Variants in L3MBTL1 observed in about 807,000 individuals in gnomAD.
L3MBTL1 encodes L3MBTL histone methyl-lysine binding protein 1, also known as lethal(3)malignant brain tumor-like protein 1.
Under a neutral mutation model 105.3 loss-of-function variants are expected in L3MBTL1, and 75 were observed. That is an observed-to-expected ratio of 0.71 (90% CI 0.59 to 0.86). The LOEUF (loss-of-function observed/expected upper bound fraction) is 0.86, where lower values mean the gene tolerates loss of function less well. L3MBTL1 is among the 40% of genes least tolerant of loss of function. L3MBTL1 has a pLI of 0.00. For synonymous variants in L3MBTL1, 452 were observed against 436.2 expected (o/e 1.04, Z -0.45); for missense variants, 1,069 against 1,126.4 (o/e 0.95, Z 0.73).
At chr20:43,548,346 G>A in exon 19 of L3MBTL1, 3 of 1,066,330 alleles carry the variant, frequency 2.8e-6, no homozygotes, top group Non-Finnish European at 3.7e-6. Context: ...ACGTCCCCAT[G>A]CTCCACCTAT....
At chr20:43,542,672 TCTTTCTCAGCCC>T (rs1242589365), downstream of L3MBTL1, among the ~76,000 whole-genome samples, 3 of 151,314 alleles carry the variant, frequency 2.0e-5, no homozygotes, top group African/African-American at 7.3e-5. Context: ...ACCAGAAAGT[TCTTTCTCAGCCC>T]CTTTTAGTCA....
chr20:43,514,432 C>T (rs1260538152), intron 3 of L3MBTL1: 3 of 1,475,238 alleles, frequency 2.0e-6, no homozygotes, highest in African/African-American at 2.8e-5. Context: ...CACCCTGGGA[C>T]TGGACCCCGC....
intron 16 of L3MBTL1, 116 bp from the exon 17 acceptor site, chr20:43,535,721 C>T (rs2019568663): frequency 1.5e-6 from 1 of 660,722 alleles, no homozygotes; most frequent in Non-Finnish European, 2.6e-6. Context: ...GCAGGGCCCT[C>T]ATCCTTGGGG....
intron 1 of L3MBTL1, among the ~76,000 whole-genome samples, chr20:43,511,882 C>CTTGGGG (rs1299532754): frequency 1.3e-5 from 2 of 151,318 alleles, no homozygotes; most frequent in African/African-American, 4.9e-5. Context: ...AAGCAGAGAG[C>CTTGGGG]TTGGGGAAGA....
chr20:43,547,494 C>A (rs1016577075), intron 18 of L3MBTL1, among the ~76,000 whole-genome samples: 20 of 152,120 alleles, frequency 1.3e-4, no homozygotes, highest in African/African-American at 4.8e-4. Flanking sequence ...TCCTCTATCC[C>A]CTGTATTTCC....
At chr20:43,548,119 C>A in exon 19 of L3MBTL1, 1 of 1,303,762 alleles carries the variant, frequency 7.7e-7, no homozygotes, top group Non-Finnish European at 1.0e-6. Context: ...AGATGATTGA[C>A]GGCGAGGCCT....
At position 43,534,678 on chromosome 20, in the gene L3MBTL1, G is replaced by C. The variant is rs2019514342; in HGVS notation, c.1711-150G>C. 7 of 624,400 alleles carry C rather than the reference G, an allele frequency of 1.1e-5. No homozygotes were observed. The Admixed American group carries it at 2.1e-4, about 18-fold the overall frequency. The allele number at this position is 624,400 out of a possible 1,614,324, so 38.7% of individuals were successfully genotyped here. On this transcript the variant is annotated intron_variant, in intron 15 of 21. Transcript: ENST00000418998. ...ATGAGTGATGCCCTTGGAAAATGTG[G>C]TGGCCAAGACAGATTATTGCAGGGT... is the stretch of plus-strand genomic sequence containing the variant.
intron 7 of L3MBTL1, among the ~76,000 whole-genome samples, chr20:43,525,916 C>G (rs565786101): frequency 1.3e-5 from 2 of 152,224 alleles, no homozygotes; most frequent in East Asian, 3.9e-4. Context: ...TGGTGAAGGT[C>G]AAATGAAGAG....
chr20:43,516,783 A>G (rs1263391546), intron 7 of L3MBTL1, among the ~76,000 whole-genome samples: 1 of 150,578 alleles, frequency 6.6e-6, no homozygotes, highest in African/African-American at 2.4e-5. Context: ...TTTCTTTTTT[A>G]AAATTTTTTA....
At chr20:43,516,784 A>G (rs866560093) in intron 7 of L3MBTL1, among the ~76,000 whole-genome samples, 2 of 151,962 alleles carry the variant, frequency 1.3e-5, no homozygotes, top group African/African-American at 2.4e-5. Flanking sequence ...TTCTTTTTTA[A>G]AATTTTTTAA....
At chr20:43,542,976 G>C (rs764539431), downstream of L3MBTL1, among the ~76,000 whole-genome samples, 17 of 152,032 alleles carry the variant, frequency 1.1e-4, no homozygotes, top group Non-Finnish European at 1.8e-4. Context: ...TTTTTTGTTA[G>C]CAAAACTTAA....
downstream of L3MBTL1, among the ~76,000 whole-genome samples, chr20:43,544,977 A>G (rs1978493095): frequency 6.6e-6 from 1 of 151,974 alleles, no homozygotes; most frequent in Non-Finnish European, 1.5e-5. Flanking sequence ...ACAAACAACA[A>G]CAACAAAAGA....
chr20:43,541,831 A>T lies in L3MBTL1; in HGVS notation c.*703A>T. On this transcript the variant is annotated 3_prime_UTR_variant, in exon 22 of 22. Transcript: ENST00000418998. ...TATTATGGAGGAATATGTAGATCCAATCACTTTACCTATACAAAATGACTG... is the reference window on the plus strand; with the variant it reads ...TATTATGGAGGAATATGTAGATCCATTCACTTTACCTATACAAAATGACTG... 1 of 985,148 alleles carries T rather than the reference A, an allele frequency of 1.0e-6. No individual in the cohort carries two copies. The highest frequency in any genetic ancestry group is 1.2e-6 in the Non-Finnish European group (1 of 829,636). 61.0% of individuals were successfully genotyped at this position (985,148 alleles called of 1,614,324 possible).
rs777454730 is a variant in L3MBTL1, at chr20:43,529,256, G to A, written c.952-8G>A. ...AAGCTGGGTCCTCTCCACTCTGTGC[G>A]TTGACAGTCCCAGGCAGTCACTCAC... On this transcript the variant is annotated splice_region_variant and splice_polypyrimidine_tract_variant and intron_variant, in intron 8 of 21. Coordinates refer to ENST00000418998, the MANE Select transcript of L3MBTL1 (RefSeq NM_001377303.1). 9.4e-6 allele frequency: 15 copies of A among 1,600,878 alleles called. No homozygotes were observed. Among genetic ancestry groups the A allele is most frequent in the African/African-American group, 4.0e-5 (3 of 74,698 alleles).
At chr20:43,549,714 ATG>A (rs368715197) in exon 19 of L3MBTL1, 27 of 139,862 alleles carry the variant, frequency 1.9e-4, no homozygotes, top group Non-Finnish European at 3.5e-4. Context: ...CAATCATGTG[ATG>A]TGTGTGTGTG....
At chr20:43,544,053 C>T (rs1365018817), downstream of L3MBTL1, among the ~76,000 whole-genome samples, 1 of 152,162 alleles carries the variant, frequency 6.6e-6, no homozygotes, top group African/African-American at 2.4e-5. Context: ...CCGTGAAAGA[C>T]ACATGTGCAG....
chr20:43,542,497 C>T (rs968568376), downstream of L3MBTL1, among the ~76,000 whole-genome samples: 1 of 150,796 alleles, frequency 6.6e-6, no homozygotes, highest in African/African-American at 2.4e-5. Context: ...GAGATAGGCA[C>T]ACATCTTGAA....
intron 7 of L3MBTL1, among the ~76,000 whole-genome samples, chr20:43,528,403 G>C (rs2019142195): frequency 6.6e-6 from 1 of 152,212 alleles, no homozygotes; most frequent in African/African-American, 2.4e-5. Flanking sequence ...GAATAATCCA[G>C]AGTACTTCTG....
Position 43,529,352 on chromosome 20 carries a change from T to A in L3MBTL1, c.1040T>A (p.Ile347Asn). ...CCTCAACACCCGTCCATGTACTTCATCCTCACCGTGGCTGAGGTGAGCTGG... is the reference window on the plus strand; with the variant it reads ...CCTCAACACCCGTCCATGTACTTCAACCTCACCGTGGCTGAGGTGAGCTGG... ...IDPQHPSMYF[I>N]LTVAEVCGYR... Residue 347 changes from isoleucine (I) to asparagine (N), a missense_variant, in exon 9 of 22, where the codon ATC becomes AAC. Ile to Asn is a moderately radical substitution (Grantham distance 149). Coordinates refer to ENST00000418998, the MANE Select transcript of L3MBTL1 (RefSeq NM_001377303.1). The A allele has an allele frequency of 6.2e-7, 1 of 1,611,660 alleles. No individual in the cohort carries two copies. The highest frequency in any genetic ancestry group is 8.5e-7 in the Non-Finnish European group (1 of 1,178,662).
Sources: allele counts gnomAD v4.1 joint callset (sites outside exome capture counted in the v4.1 genomes callset), GRCh38; gene constraint gnomAD v4.1.1; transcripts MANE v1.5; gene names NCBI Gene and HGNC (gene_info 2026-07-23, HGNC 2026-07-21).